Variants in CNTN5 observed in about 807,000 individuals in gnomAD.
CNTN5 encodes the protein contactin 5.
In CNTN5, 77 loss-of-function variants were observed where a neutral mutation model predicts 129.1. The ratio of observed to expected loss-of-function variants is 0.60; its 90% CI spans 0.50 to 0.72. The LOEUF is 0.72. CNTN5 is among the 30% of genes least tolerant of loss of function. CNTN5 has a pLI of 0.00. For synonymous variants in CNTN5, 509 were observed against 465.6 expected (o/e 1.09, Z -1.20); for missense variants, 1,478 against 1,328.8 (o/e 1.11, Z -1.75).
intron 1 of CNTN5, among the ~76,000 whole-genome samples, chr11:99,171,568 T>C (rs1451881959): frequency 6.6e-6 from 1 of 152,168 alleles, no homozygotes; most frequent in Non-Finnish European, 1.5e-5. Flanking sequence ...GTTTGTTAGA[T>C]GATGAATTTC....
chr11:99,349,562 T>C (rs1204155753), intron 2 of CNTN5, among the ~76,000 whole-genome samples: 1 of 152,180 alleles, frequency 6.6e-6, no homozygotes, highest in Non-Finnish European at 1.5e-5. Context: ...TAACCTTTAT[T>C]TATTATAAAT....
intron 9 of CNTN5, among the ~76,000 whole-genome samples, chr11:100,043,478 A>G (rs188586774): frequency 1.3e-5 from 2 of 152,122 alleles, no homozygotes; most frequent in Admixed American, 1.3e-4. Flanking sequence ...ATTTAAATAA[A>G]CAGCATTAAA....
At chr11:100,036,049 A>G (rs751440329) in intron 9 of CNTN5, among the ~76,000 whole-genome samples, 51 of 152,138 alleles carry the variant, frequency 3.4e-4, no homozygotes, top group Non-Finnish European at 6.2e-4. Flanking sequence ...GCCCATGCCT[A>G]TGTCATGAAT....
chr11:99,042,362 C>CTTT (rs1442841983), intron 1 of CNTN5, among the ~76,000 whole-genome samples: 1 of 120,740 alleles, frequency 8.3e-6, no homozygotes, highest in East Asian at 2.7e-4. Context: ...CCTTCTTCTT[C>CTTT]TTCTTTTTTT....
intron 1 of CNTN5, among the ~76,000 whole-genome samples, chr11:99,253,048 TC>T (rs1862194583): frequency 6.6e-6 from 1 of 151,944 alleles, no homozygotes; most frequent in Non-Finnish European, 1.5e-5. Context: ...TTTGGCTGTG[TC>T]CCCACTCAAA....
At chr11:99,231,459 G>A (rs1860992976) in intron 1 of CNTN5, among the ~76,000 whole-genome samples, 1 of 152,114 alleles carries the variant, frequency 6.6e-6, no homozygotes, top group African/African-American at 2.4e-5. Flanking sequence ...TTTGAGAAAT[G>A]TCTGTCCGTG....
intron 2 of CNTN5, among the ~76,000 whole-genome samples, chr11:99,346,212 A>T (rs1170073246): frequency 6.6e-6 from 1 of 152,228 alleles, no homozygotes; most frequent in East Asian, 1.9e-4. Context: ...AAGTCAGTAG[A>T]GGTGCTGAGA....
chr11:99,592,594 C>T (rs1440183712), intron 3 of CNTN5, among the ~76,000 whole-genome samples: 2 of 151,712 alleles, frequency 1.3e-5, no homozygotes, highest in Non-Finnish European at 2.9e-5. Context: ...GAGAAAATTC[C>T]CCTTAAAAAT....
chr11:99,311,525 G>T (rs1020371711), intron 1 of CNTN5, among the ~76,000 whole-genome samples: 1 of 151,992 alleles, frequency 6.6e-6, no homozygotes, highest in Non-Finnish European at 1.5e-5. Context: ...TAGGGAAGGG[G>T]TTCTGAAACC....
At chr11:99,092,010 C>T (rs761647878) in intron 1 of CNTN5, among the ~76,000 whole-genome samples, 3 of 152,010 alleles carry the variant, frequency 2.0e-5, no homozygotes, top group Non-Finnish European at 4.4e-5. Context: ...TATGATATCC[C>T]TGGAATATAT....
chr11:99,446,326 C>T (rs1002696482), intron 2 of CNTN5, among the ~76,000 whole-genome samples: 3 of 152,080 alleles, frequency 2.0e-5, no homozygotes, highest in Admixed American at 2.0e-4. Flanking sequence ...GGAGAATGTG[C>T]TATTGATCAC....
chr11:99,738,199 T>C (rs1943772987), intron 3 of CNTN5, among the ~76,000 whole-genome samples: 1 of 152,082 alleles, frequency 6.6e-6, no homozygotes, highest in Admixed American at 6.6e-5. Context: ...GCCTTTAAAG[T>C]GATGATTAAG....
intron 6 of CNTN5, among the ~76,000 whole-genome samples, chr11:99,870,913 A>G (rs1008701449): frequency 3.9e-5 from 6 of 152,062 alleles, no homozygotes; most frequent in Non-Finnish European, 8.8e-5. Flanking sequence ...AAGCGAATAT[A>G]TTTATAGCCA....
intron 9 of CNTN5, among the ~76,000 whole-genome samples, chr11:100,039,173 A>G (rs540471166): frequency 2.0e-5 from 3 of 152,320 alleles, no homozygotes; most frequent in African/African-American, 4.8e-5. Flanking sequence ...GGTAGTGACA[A>G]AATCTCTCCA....
At chr11:99,979,835 T>C (rs1565748626) in intron 8 of CNTN5, among the ~76,000 whole-genome samples, 1 of 152,170 alleles carries the variant, frequency 6.6e-6, no homozygotes, top group Admixed American at 6.5e-5. Context: ...TTATTCATCA[T>C]TGTGGAGAAG....
intron 3 of CNTN5, among the ~76,000 whole-genome samples, chr11:99,767,278 G>A (rs1467156823): frequency 6.6e-6 from 1 of 152,044 alleles, no homozygotes; most frequent in East Asian, 1.9e-4. Flanking sequence ...CTAATGCCAA[G>A]TGGTAATTAT....
intron 1 of CNTN5, among the ~76,000 whole-genome samples, chr11:99,154,440 C>A (rs1050391158): frequency 1.3e-5 from 2 of 152,164 alleles, no homozygotes; most frequent in South Asian, 4.1e-4. Flanking sequence ...GCAGTGGCAG[C>A]CTGGCTAGGT....
chr11:100,231,429 C>G (rs1949485989), intron 16 of CNTN5, among the ~76,000 whole-genome samples: 2 of 152,060 alleles, frequency 1.3e-5, no homozygotes, highest in Middle Eastern at 3.4e-3. Flanking sequence ...ACTTGATGGC[C>G]CACTGGTTAT....
intron 1 of CNTN5, among the ~76,000 whole-genome samples, chr11:99,139,149 C>T (rs1288743246): frequency 1.4e-5 from 2 of 146,590 alleles, no homozygotes; most frequent in East Asian, 4.1e-4. Context: ...TTCCTGCGGT[C>T]CCAGCTACTC....
Sources: gnomAD v4.1 joint callset for allele counts (sites outside exome capture counted in the v4.1 genomes callset) on GRCh38, gnomAD v4.1.1 for gene constraint, MANE v1.5 for transcripts, NCBI Gene and HGNC (gene_info 2026-07-23, HGNC 2026-07-21) for gene names.